TUBGCP2: variants seen among roughly 807,000 people sequenced by gnomAD.
TUBGCP2 encodes the protein tubulin gamma complex component 2.
TUBGCP2 carries 55 observed loss-of-function variants against 92.2 expected under a neutral mutation model. The ratio of observed to expected loss-of-function variants is 0.60; its 90% CI spans 0.48 to 0.75. The LOEUF (loss-of-function observed/expected upper bound fraction) is 0.75. TUBGCP2 is among the 30% of genes least tolerant of loss of function. TUBGCP2 has a pLI of 0.00. For missense variants in TUBGCP2, 1,093 were observed against 1,188.9 expected, an observed-to-expected ratio of 0.92 and a Z score of 1.19; for synonymous variants, 533 against 505.2, an observed-to-expected ratio of 1.06 and a Z score of -0.74.
chr10:133,300,323 C>A, intron 2 of TUBGCP2: 1 of 538,242 alleles, frequency 1.9e-6, no homozygotes, highest in Non-Finnish European at 3.1e-6. Context: ...TGACTGTAAT[C>A]CCAGCACTTT....
rs779477197 is a variant in TUBGCP2 at position 133,302,991 on chromosome 10, G to A, written c.-39-11C>T. The A allele has an allele frequency of 1.2e-6, 2 of 1,604,388 alleles. No individual in the cohort carries two copies. The highest frequency in any genetic ancestry group is 1.7e-6 in the Non-Finnish European group (2 of 1,171,728). The stretch of plus-strand genomic sequence containing the variant: ...TCACAATATGTTCTCCTATAGGTAA[G>A]AAGACAGCTATTCATAAAATTCAAA... On this transcript the variant is annotated splice_polypyrimidine_tract_variant and intron_variant, in intron 1 of 17. Coordinates refer to ENST00000252936, the MANE Select transcript of TUBGCP2 (RefSeq NM_006659.4).
Position 133,281,275 on chromosome 10 carries a change from G to A in TUBGCP2, c.2571C>T (p.Ser857=). The change falls in exon 17 of 18, where the codon TCC becomes TCT. Residue 857 remains serine, a splice_region_variant and synonymous_variant. Coordinates refer to ENST00000252936, the MANE Select transcript of TUBGCP2 (RefSeq NM_006659.4). The part of the protein sequence containing the change: ...DCEHGMASVI[S]RLDFNGFYTE... ...GAGCCGGGGTGGCGCCCACCCACCT[G>A]GAGATGACGCTGGCCATGCCGTGCT... The A allele has an allele frequency of 6.2e-7, 1 of 1,610,514 alleles. No homozygotes were observed. Among genetic ancestry groups the A allele is most frequent in the South Asian group, 1.1e-5 (1 of 91,012 alleles).
chr10:133,301,637 T>C (rs758874225), intron 2 of TUBGCP2: 1 of 151,158 alleles, frequency 6.6e-6, no homozygotes, highest in Non-Finnish European at 1.5e-5. Flanking sequence ...CTGAATTACA[T>C]ATTATCTGAA....
chr10:133,306,030 G>A (rs992889227), intron 1 of TUBGCP2, among the ~76,000 whole-genome samples: 1 of 152,234 alleles, frequency 6.6e-6, no homozygotes, highest in Non-Finnish European at 1.5e-5. Context: ...AGAAAGCACA[G>A]AAGGGCCCAT....
chr10:133,293,018 G>GC (rs749252111), intron 7 of TUBGCP2, 21 bp downstream of exon 7: 7 of 1,609,438 alleles, frequency 4.3e-6, no homozygotes, highest in Non-Finnish European at 5.9e-6. Context: ...ACTGCCCCAT[G>GC]CCCCCCGGGC....
At position 133,292,701 on chromosome 10, in the gene TUBGCP2, A is replaced by G; in HGVS notation, c.1025-13T>C. 6.2e-7 allele frequency: 1 copy of G among 1,609,830 alleles called. No homozygotes were observed. Among genetic ancestry groups the G allele is most frequent in the Non-Finnish European group, 8.5e-7 (1 of 1,177,908 alleles). On this transcript the variant is annotated splice_polypyrimidine_tract_variant and intron_variant, in intron 7 of 17. Coordinates refer to ENST00000252936, the MANE Select transcript of TUBGCP2 (RefSeq NM_006659.4). ...TCCACCGAGGTGGCTGTGGGGAGAA[A>G]GGAGGGCTCACTGCTGAGAAGGAAG... is the stretch of plus-strand genomic sequence containing the variant.
intron 8 of TUBGCP2, among the ~76,000 whole-genome samples, chr10:133,292,001 ACCCTCCGTGTCCCC>A (rs1847339010): frequency 6.0e-4 from 2 of 3,354 alleles, no homozygotes; most frequent in African/African-American, 2.9e-3. Context: ...GGCAGCACGC[ACCCTCCGTGTCCCC>A]CATGTCCCTC....
At chr10:133,297,929 C>T in intron 5 of TUBGCP2, 23 bp downstream of exon 5, 1 of 1,608,750 alleles carries the variant, frequency 6.2e-7, no homozygotes, top group Non-Finnish European at 8.5e-7. Flanking sequence ...TCGGCAGAGC[C>T]CGGAAATCAA....
At chr10:133,282,076 T>C (rs1471975873) in intron 16 of TUBGCP2, 147 bp downstream of exon 16, 22 of 1,321,412 alleles carry the variant, frequency 1.7e-5, no homozygotes, top group South Asian at 1.0e-4. Context: ...GTGCTTGTGC[T>C]TGGAAGCTAA....
At chr10:133,291,853 T>C (rs71503790) in intron 8 of TUBGCP2, among the ~76,000 whole-genome samples, 383 of 14,734 alleles carry the variant, frequency 0.026, 23 homozygotes, top group African/African-American at 0.066. Context: ...TCCGTGTCCC[T>C]GTGTCCCGGG....
At chr10:133,283,025 T>C in intron 15 of TUBGCP2, 53 bp downstream of exon 15, 2 of 1,606,470 alleles carry the variant, frequency 1.2e-6, no homozygotes, top group African/African-American at 1.3e-5. Flanking sequence ...GGTCGGGACA[T>C]GGTCTGCCCA....
At chr10:133,309,103 G>T (rs1589841604), upstream of TUBGCP2, 1 of 1,322,710 alleles carries the variant, frequency 7.6e-7, no homozygotes, top group Non-Finnish European at 9.7e-7. Flanking sequence ...CGAGGTGCGT[G>T]AGCAAAAGAG....
intron 5 of TUBGCP2, among the ~76,000 whole-genome samples, chr10:133,294,259 G>A (rs571197391): frequency 7.7e-4 from 117 of 152,338 alleles, no homozygotes; most frequent in African/African-American, 2.2e-3. Flanking sequence ...GGACGGCCAC[G>A]GGCCGCCACC....
chr10:133,285,229 C>G lies in TUBGCP2; in HGVS notation c.1896-16G>C, dbSNP rs533274197. 3 of 1,610,674 alleles carry G rather than the reference C, an allele frequency of 1.9e-6. No homozygotes were observed. Among genetic ancestry groups the G allele is most frequent in the South Asian group, 2.2e-5 (2 of 91,046 alleles). ...GAGGGCTTTCCTGCAAGAGACGTGG[C>G]GGCACCTCAGGTGGGCCTCCGTGAC... On this transcript the variant is annotated splice_polypyrimidine_tract_variant and intron_variant, in intron 12 of 17. Transcript: ENST00000252936. The surrounding 1 kb of genome is among the most constrained non-coding windows in gnomAD (Gnocchi z 6.8).
chr10:133,294,068 G>A (rs970922219), intron 5 of TUBGCP2, among the ~76,000 whole-genome samples: 3 of 152,250 alleles, frequency 2.0e-5, no homozygotes, highest in Non-Finnish European at 4.4e-5. Context: ...GAGTTGAAAA[G>A]GCGACTCCAG....
At chr10:133,305,135 T>C (rs535008698) in intron 1 of TUBGCP2, among the ~76,000 whole-genome samples, 1 of 152,336 alleles carries the variant, frequency 6.6e-6, no homozygotes, top group East Asian at 1.9e-4. Flanking sequence ...CTCCCTGTGA[T>C]GCTGTGCTTC....
intron 15 of TUBGCP2, 140 bp downstream of exon 15, chr10:133,282,938 T>C: frequency 8.1e-7 from 1 of 1,232,262 alleles, no homozygotes. Context: ...GACCAGGAGT[T>C]CTGGAAACAC....
chr10:133,291,227 G>A (rs1847279894), intron 8 of TUBGCP2, among the ~76,000 whole-genome samples: 2 of 149,026 alleles, frequency 1.3e-5, no homozygotes, highest in East Asian at 2.0e-4. Flanking sequence ...CCCAGAGAGG[G>A]CAGCACGCGC....
At chr10:133,284,600 A>G (rs776762619) in intron 13 of TUBGCP2, among the ~76,000 whole-genome samples, 21 of 151,994 alleles carry the variant, frequency 1.4e-4, no homozygotes, top group Non-Finnish European at 2.6e-4. Flanking sequence ...GGCTCAAACA[A>G]TCCTCCCTCC....
Sources: allele counts gnomAD v4.1 joint callset (sites outside exome capture counted in the v4.1 genomes callset), GRCh38; gene constraint gnomAD v4.1.1; non-coding constraint Gnocchi (gnomAD v3.1); transcripts MANE v1.5; gene names NCBI Gene and HGNC (gene_info 2026-07-23, HGNC 2026-07-21).